Variants in GSPT1 observed in about 807,000 individuals in gnomAD.
GSPT1 encodes the protein G1 to S phase transition 1, also known as eukaryotic peptide chain release factor GTP-binding subunit ERF3A.
GSPT1 carries 20 observed loss-of-function variants against 72.5 expected under a neutral mutation model. That is an observed-to-expected ratio of 0.28 (90% confidence interval 0.19 to 0.40). The LOEUF (loss-of-function observed/expected upper bound fraction) is 0.40. GSPT1 is among the 10% of genes least tolerant of loss of function. The pLI is 1.00. For synonymous variants in GSPT1, 334 were observed against 293.5 expected (o/e 1.14, Z -1.41); for missense variants, 580 against 811.9 (o/e 0.71, Z 3.47).
intron 6 of GSPT1, among the ~76,000 whole-genome samples, chr16:11,889,860 G>A (rs931413979): frequency 2.0e-5 from 3 of 151,846 alleles, no homozygotes; most frequent in Non-Finnish European, 2.9e-5. Context: ...GGGTGGTCTC[G>A]AACTCCTGAC....
At chr16:11,873,272 G>A (rs2053998640) in intron 14 of GSPT1, 101 bp from the exon 15 acceptor site, 1 of 609,704 alleles carries the variant, frequency 1.6e-6, no homozygotes, top group Non-Finnish European at 2.9e-6. Flanking sequence ...TTTTTACAAT[G>A]TAAGTTACTA....
In GSPT1 at chr16:11,877,383, TG is replaced by T; in HGVS notation, c.1602+23del. On this transcript the variant is annotated intron_variant, in intron 12 of 14. Coordinates refer to ENST00000434724, the MANE Select transcript of GSPT1 (RefSeq NM_002094.4). The surrounding 1 kb of genome is among the most constrained non-coding windows in gnomAD (Gnocchi z 4.0). The stretch of plus-strand genomic sequence containing the variant: ...TTCATTTAGACATTAAAACCCACTA[TG>T]ACAACAACAATAATTTGTTTACCTG... 2 of 1,516,372 alleles carry T rather than the reference TG, an allele frequency of 1.3e-6. No homozygotes were observed. Among genetic ancestry groups the T allele is most frequent in the Non-Finnish European group, 1.8e-6 (2 of 1,122,218 alleles). The allele number at this position is 1,516,372 out of a possible 1,614,324, so 93.9% of individuals were successfully genotyped here.
intron 11 of GSPT1, among the ~76,000 whole-genome samples, chr16:11,878,091 G>A (rs1249410523): frequency 1.3e-5 from 2 of 152,172 alleles, no homozygotes; most frequent in African/African-American, 2.4e-5. Context: ...TCTGGAATTA[G>A]ATAGTGATGA....
intron 1 of GSPT1, among the ~76,000 whole-genome samples, chr16:11,900,537 C>T (rs2054393268): frequency 6.6e-6 from 1 of 151,998 alleles, no homozygotes; most frequent in Non-Finnish European, 1.5e-5. Context: ...GAAACAGATC[C>T]TGTAATCACT....
intron 6 of GSPT1, among the ~76,000 whole-genome samples, chr16:11,889,628 C>T (rs866388539): frequency 1.3e-5 from 2 of 151,778 alleles, no homozygotes; most frequent in East Asian, 3.9e-4. Context: ...CTGCCTCAGC[C>T]CCCCGAGTAG....
chr16:11,906,333 C>T (rs2054489236), intron 1 of GSPT1, among the ~76,000 whole-genome samples: 1 of 152,136 alleles, frequency 6.6e-6, no homozygotes, highest in South Asian at 2.1e-4. Context: ...GGAAACACTA[C>T]ACTCAGGAGA....
chr16:11,876,670 G>C (rs925341551), intron 12 of GSPT1, among the ~76,000 whole-genome samples: 4 of 152,158 alleles, frequency 2.6e-5, no homozygotes, highest in African/African-American at 9.7e-5. Context: ...TTGAATCCCG[G>C]AGGTGGAGGT....
At position 11,875,752 on chromosome 16, in the gene GSPT1, A is replaced by G. The variant is rs2054040355; in HGVS notation, c.1861+9T>C. 6.3e-7 allele frequency: 1 copy of G among 1,591,292 alleles called. No individual in the cohort carries two copies. Among genetic ancestry groups the G allele is most frequent in the Non-Finnish European group, 8.5e-7 (1 of 1,172,334 alleles). ...ATATACTACTAGACGTCAGTTTAAA[A>G]GCTCTTACCCTCATCTCTTAAGGTG... On this transcript the variant is annotated intron_variant, in intron 14 of 14. Coordinates refer to ENST00000434724, the MANE Select transcript of GSPT1 (RefSeq NM_002094.4).
At chr16:11,914,924 G>C (rs545668432) in intron 1 of GSPT1, 2 of 944,090 alleles carry the variant, frequency 2.1e-6, no homozygotes, top group African/African-American at 3.4e-5. Flanking sequence ...TCTCGGCTGG[G>C]CCTAAGGTGA....
In GSPT1 at chr16:11,888,887, A is replaced by G. The variant is rs140850115; in HGVS notation, c.777-1137T>C. Among the ~76,000 whole-genome samples, 1,265 of 152,370 alleles carry G rather than the reference A, an allele frequency of 8.3e-3. 24 individuals carry two copies. The highest frequency in any genetic ancestry group is 0.029 in the African/African-American group (1,194 of 41,588). The stretch of plus-strand genomic sequence containing the variant: ...TATGGCAAGTTGACTACACAGAAAG[A>G]CTAACTACAAATGCCAATATCACTG... On this transcript the variant is annotated intron_variant, in intron 6 of 14. Transcript: ENST00000434724.
intron 14 of GSPT1, 49 bp from the exon 15 acceptor site, chr16:11,873,220 A>G (rs1338778823): frequency 4.6e-6 from 4 of 870,320 alleles, no homozygotes; most frequent in Non-Finnish European, 7.7e-6. Context: ...CAGCAAGTCT[A>G]TATAAGATAT....
intron 14 of GSPT1, among the ~76,000 whole-genome samples, chr16:11,874,238 C>G (rs2141270850): frequency 6.6e-6 from 1 of 152,008 alleles, no homozygotes; most frequent in East Asian, 1.9e-4. Flanking sequence ...CATTGAATTA[C>G]ATACTTAAAA....
At chr16:11,876,198 C>G (rs1189773108) in intron 12 of GSPT1, 23 bp from the exon 13 acceptor site, 2 of 1,402,060 alleles carry the variant, frequency 1.4e-6, no homozygotes, top group Non-Finnish European at 1.0e-6. Flanking sequence ...CACACACATT[C>G]TTATCTTTAG....
chr16:11,913,651 G>A (rs551620318), intron 1 of GSPT1, among the ~76,000 whole-genome samples: 35 of 152,316 alleles, frequency 2.3e-4, no homozygotes, highest in African/African-American at 8.4e-4. Context: ...CCACAGAAAG[G>A]AGGAAGAGCC....
At position 11,868,264 on chromosome 16, in the gene GSPT1, G is replaced by A. The variant is rs184632343; in HGVS notation, c.*4855C>T. On this transcript the variant is annotated 3_prime_UTR_variant, in exon 15 of 15. Transcript: ENST00000434724. ...CAGGCACAGTAGGTAGCTACAAATC[G>A]TAAGAAAAAGCTTTCTTTCCTACCT... is the stretch of plus-strand genomic sequence containing the variant. 18 of 151,818 alleles carry A rather than the reference G, an allele frequency of 1.2e-4. No individual in the cohort carries two copies. The highest frequency in any genetic ancestry group is 1.2e-3 in the East Asian group (6 of 5,182). 9.4% of individuals were successfully genotyped at this position (151,818 alleles called of 1,614,324 possible).
chr16:11,891,366 A>G (rs1057133661), intron 5 of GSPT1, among the ~76,000 whole-genome samples: 1 of 143,476 alleles, frequency 7.0e-6, no homozygotes, highest in Non-Finnish European at 1.5e-5. Context: ...ATATATATAT[A>G]TATTTTTTTT....
intron 5 of GSPT1, among the ~76,000 whole-genome samples, chr16:11,891,970 A>G (rs1024418401): frequency 6.6e-6 from 1 of 152,104 alleles, no homozygotes; most frequent in Non-Finnish European, 1.5e-5. Flanking sequence ...GCCAGAAAAT[A>G]GTTAAAGTAA....
chr16:11,879,101 AATAAT>A (rs1339980578), intron 11 of GSPT1, among the ~76,000 whole-genome samples: 3 of 11,612 alleles, frequency 2.6e-4, no homozygotes, highest in Non-Finnish European at 4.5e-4. Context: ...TAATAATAAT[AATAAT>A]AAAAAAAAGG....
chr16:11,908,289 C>T (rs2054512699), intron 1 of GSPT1: 1 of 151,942 alleles, frequency 6.6e-6, no homozygotes, highest in African/African-American at 2.4e-5. Flanking sequence ...TTAAAATACA[C>T]AAACCAAAAC....
Sources: gnomAD v4.1 joint callset for allele counts (sites outside exome capture counted in the v4.1 genomes callset) on GRCh38, gnomAD v4.1.1 for gene constraint, Gnocchi (gnomAD v3.1) non-coding constraint, MANE v1.5 for transcripts, NCBI Gene and HGNC (gene_info 2026-07-23, HGNC 2026-07-21) for gene names.